The following ACBD5 variants were observed in gnomAD, a reference collection of about 807,000 sequenced individuals.
The protein encoded by ACBD5 is acyl-CoA-binding domain-containing protein 5.
ACBD5 carries 40 observed loss-of-function variants against 71.8 expected under a neutral mutation model. The observed-to-expected ratio is 0.56, with a 90% CI of 0.43 to 0.72. The LOEUF (loss-of-function observed/expected upper bound fraction) is 0.72, where lower values mean the gene tolerates loss of function less well. ACBD5 is among the 30% of genes least tolerant of loss of function. The pLI is 0.00. For synonymous variants in ACBD5, 229 were observed against 218.6 expected (o/e 1.05, Z -0.42); for missense variants, 559 against 644.5 (o/e 0.87, Z 1.44).
chr10:27,227,235 A>G (rs1308323835), intron 4 of ACBD5, among the ~76,000 whole-genome samples: 1 of 152,056 alleles, frequency 6.6e-6, no homozygotes, highest in East Asian at 1.9e-4. Flanking sequence ...GACACCAGAA[A>G]AGAGGCATCC....
At chr10:27,241,997 G>A, upstream of ACBD5, 1 of 453,080 alleles carries the variant, frequency 2.2e-6, no homozygotes. Context: ...AGGGTTACTA[G>A]GAAAAATCTA....
intron 4 of ACBD5, among the ~76,000 whole-genome samples, chr10:27,225,139 C>T (rs1282755391): frequency 1.8e-4 from 27 of 146,906 alleles, no homozygotes; most frequent in African/African-American, 6.3e-4. Flanking sequence ...AGTGCAGCGG[C>T]ACGATCTCGG....
intron 4 of ACBD5, among the ~76,000 whole-genome samples, chr10:27,225,075 T>C (rs2062840251): frequency 1.1e-5 from 1 of 87,164 alleles, no homozygotes; most frequent in East Asian, 2.7e-4. Context: ...CTCGCTCTCT[T>C]TCTTTTTTTT....
chr10:27,227,807 A>C (rs2063277521), intron 4 of ACBD5, among the ~76,000 whole-genome samples: 1 of 151,744 alleles, frequency 6.6e-6, no homozygotes, highest in Non-Finnish European at 1.5e-5. Context: ...CCGCCTCCTT[A>C]ATTCAAGTGA....
chr10:27,241,492 A>G (rs1005004418), upstream of ACBD5, among the ~76,000 whole-genome samples: 1 of 152,008 alleles, frequency 6.6e-6, no homozygotes, highest in Non-Finnish European at 1.5e-5. Flanking sequence ...CTGGGCTGGG[A>G]CGGAGGGCAA....
Position 27,196,470 on chromosome 10 carries a change from T to C in ACBD5, c.*960A>G. The C allele has an allele frequency of 2.2e-6, 1 of 454,472 alleles. No homozygotes were observed. Among genetic ancestry groups the C allele is most frequent in the Non-Finnish European group, 4.4e-6 (1 of 226,782 alleles). 28.2% of individuals were successfully genotyped at this position (454,472 alleles called of 1,614,324 possible). On this transcript the variant is annotated 3_prime_UTR_variant, in exon 13 of 13. Coordinates refer to ENST00000396271, the MANE Select transcript of ACBD5 (RefSeq NM_145698.5). ...TGAAGTAGGTGTATCTAAAATAGTATACCCCGAAGGAAAAACTGAGGCACT... is the reference window on the plus strand; with the variant it reads ...TGAAGTAGGTGTATCTAAAATAGTACACCCCGAAGGAAAAACTGAGGCACT...
chr10:27,240,960 G>A, upstream of ACBD5: 5 of 593,180 alleles, frequency 8.4e-6, no homozygotes, highest in Non-Finnish European at 1.5e-5. This position sits in a 1 kb window ranked among gnomAD's most constrained non-coding sequence, Gnocchi z 4.1. Flanking sequence ...CCGGGAAGCG[G>A]GGAAAGGGGG....
upstream of ACBD5, chr10:27,242,029 T>C (rs1439208698): frequency 4.4e-6 from 2 of 452,776 alleles, no homozygotes; most frequent in Non-Finnish European, 8.8e-6. Flanking sequence ...TAAGTTACTC[T>C]TCCCTCTGAG....
upstream of ACBD5, among the ~76,000 whole-genome samples, chr10:27,241,865 C>A (rs2065537906): frequency 6.6e-6 from 1 of 152,210 alleles, no homozygotes; most frequent in South Asian, 2.1e-4. Flanking sequence ...TTGGGAAGTG[C>A]CCCAGGCCGA....
At position 27,210,841 on chromosome 10, in the gene ACBD5, C is replaced by T. The variant is rs777230785; in HGVS notation, c.1177G>A (p.Glu393Lys). ...CTTCCTCTTCTAACATTAGAGAATT[C>T]GTCAGTTTCTCCGCCTCGCTTCTCC... Reference protein sequence around the residue: ...HREKRGGETDEFSNVRRGRGH... With the variant: ...HREKRGGETDKFSNVRRGRGH... Residue 393 changes from glutamate (E) to lysine (K), a missense_variant, in exon 9 of 13, where the codon GAA becomes AAA. Glu to Lys is a moderately conservative substitution (Grantham distance 56). Transcript: ENST00000396271. 38 of 1,614,156 alleles carry T rather than the reference C, an allele frequency of 2.4e-5. No individual in the cohort carries two copies. The highest frequency in any genetic ancestry group is 1.6e-4 in the Middle Eastern group (1 of 6,062).
chr10:27,240,984 T>C (rs1039269687), upstream of ACBD5: 2 of 581,750 alleles, frequency 3.4e-6, no homozygotes, highest in East Asian at 5.8e-5. The surrounding 1 kb of genome is among the most constrained non-coding windows in gnomAD (Gnocchi z 4.1). Flanking sequence ...CAGTCCCGGC[T>C]TGGTGCGGGG....
intron 13 of ACBD5, among the ~76,000 whole-genome samples, chr10:27,189,268 C>G (rs1334949397): frequency 6.6e-6 from 1 of 152,192 alleles, no homozygotes; most frequent in African/African-American, 2.4e-5. Flanking sequence ...ACTTCGTGAT[C>G]CACCCGCCTC....
chr10:27,206,749 C>T (rs990123631), intron 10 of ACBD5, among the ~76,000 whole-genome samples: 1 of 151,820 alleles, frequency 6.6e-6, no homozygotes, highest in African/African-American at 2.4e-5. Context: ...CTCCTGGCCT[C>T]AAGTGATCCA....
chr10:27,240,765 C>A lies in ACBD5; in HGVS notation c.-77G>T. 1 of 1,544,156 alleles carries A rather than the reference C, an allele frequency of 6.5e-7. No individual in the cohort carries two copies. On this transcript the variant is annotated 5_prime_UTR_variant, in exon 1 of 13. Transcript: ENST00000396271. This position sits in a 1 kb window ranked among gnomAD's most constrained non-coding sequence, Gnocchi z 4.1. ...TCCCACCCTGGGGACCCTGGCGGAG[C>A]AGCCACACCCCCCATTCCGCCGGAG...
At chr10:27,194,633 T>TAAGAAG (rs755801066), downstream of ACBD5, among the ~76,000 whole-genome samples, 449 of 145,012 alleles carry the variant, frequency 3.1e-3, 3 homozygotes, top group African/African-American at 0.011. Flanking sequence ...ATAATAATAA[T>TAAGAAG]AATAATAATA....
chr10:27,186,566 G>A (rs199527702), intron 13 of ACBD5: 29 of 1,568,996 alleles, frequency 1.8e-5, no homozygotes, highest in Non-Finnish European at 2.2e-5. Context: ...GTCTAGCCTT[G>A]TGTTATAGAA....
intron 7 of ACBD5, among the ~76,000 whole-genome samples, chr10:27,216,205 A>T (rs1347343730): frequency 6.7e-6 from 1 of 150,048 alleles, no homozygotes; most frequent in Non-Finnish European, 1.5e-5. Flanking sequence ...CAGTGGTGTG[A>T]TCTCGGCTCA....
intron 8 of ACBD5, among the ~76,000 whole-genome samples, chr10:27,211,472 C>T (rs1187616651): frequency 6.6e-6 from 1 of 152,090 alleles, no homozygotes; most frequent in African/African-American, 2.4e-5. Context: ...AGGCACGCAC[C>T]GCCATGCCTG....
intron 13 of ACBD5, among the ~76,000 whole-genome samples, chr10:27,189,764 AT>A (rs2058997597): frequency 2.8e-5 from 2 of 71,922 alleles, no homozygotes; most frequent in South Asian, 4.0e-4. Flanking sequence ...TTAAAGTATA[AT>A]AAAAATATAT....
Sources: allele counts gnomAD v4.1 joint callset (sites outside exome capture counted in the v4.1 genomes callset), GRCh38; gene constraint gnomAD v4.1.1; non-coding constraint Gnocchi (gnomAD v3.1); transcripts MANE v1.5; gene names NCBI Gene and HGNC (gene_info 2026-07-23, HGNC 2026-07-21).